ADCK1: variants seen among roughly 807,000 people sequenced by gnomAD.
The protein encoded by ADCK1 is aarF domain containing kinase 1.
A neutral mutation model predicts 52.3 loss-of-function variants in ADCK1; 41 were observed. The observed-to-expected ratio is 0.78, with a 90% CI of 0.61 to 1.02. The LOEUF (loss-of-function observed/expected upper bound fraction) is 1.02. ADCK1 is among the 50% of genes least tolerant of loss of function. The pLI is 0.00. For synonymous variants in ADCK1, 250 were observed against 274.6 expected (o/e 0.91, Z 0.89); for missense variants, 658 against 679.5 (o/e 0.97, Z 0.35).
At chr14:77,931,457 C>A in intron 9 of ADCK1, 61 bp from the exon 10 acceptor site, 1 of 1,537,200 alleles carries the variant, frequency 6.5e-7, no homozygotes, top group Admixed American at 1.7e-5. Flanking sequence ...CAGACCCCTG[C>A]CACCCCTGGC....
intron 1 of ADCK1, among the ~76,000 whole-genome samples, chr14:77,801,584 AGT>A (rs1396312256): frequency 1.3e-5 from 2 of 152,102 alleles, no homozygotes; most frequent in African/African-American, 4.8e-5. Flanking sequence ...GTACTAGAAG[AGT>A]GTGCATATTC....
chr14:77,877,842 G>A (rs1257162502), intron 4 of ADCK1, among the ~76,000 whole-genome samples: 1 of 152,196 alleles, frequency 6.6e-6, no homozygotes, highest in Non-Finnish European at 1.5e-5. Context: ...CTGACCTCAA[G>A]TGATCTTCCT....
intron 1 of ADCK1, among the ~76,000 whole-genome samples, chr14:77,817,567 AG>A (rs1287697927): frequency 6.6e-6 from 1 of 152,194 alleles, no homozygotes; most frequent in African/African-American, 2.4e-5. Flanking sequence ...AGGTACAAGT[AG>A]GGTGGGGAAA....
Position 77,886,957 on chromosome 14 carries a change from A to ACACT in ADCK1, c.424-132_424-129dup, listed in dbSNP as rs2083167279. 6.2e-6 allele frequency: 6 copies of ACACT among 973,020 alleles called. No homozygotes were observed. The East Asian group carries it at 1.7e-4, about 27-fold the overall frequency. 60.3% of individuals were successfully genotyped at this position (973,020 alleles called of 1,614,324 possible). A position where few individuals can be genotyped will look rare whatever the true frequency, so the allele number is the denominator to read the frequency against. ...ACACACACACGCACAACACACACAC[A>ACACT]CACTCTCTCTCTCTTTCTCTCTCAA... On this transcript the variant is annotated intron_variant, in intron 4 of 10. Coordinates refer to ENST00000238561, the MANE Select transcript of ADCK1 (RefSeq NM_020421.4).
intron 1 of ADCK1, among the ~76,000 whole-genome samples, chr14:77,809,242 T>A (rs1227694341): frequency 6.6e-6 from 1 of 152,116 alleles, no homozygotes; most frequent in Non-Finnish European, 1.5e-5. Flanking sequence ...TTAGATGGGA[T>A]GTGGAGAAGT....
At chr14:77,884,541 C>T (rs1391522676) in intron 4 of ADCK1, among the ~76,000 whole-genome samples, 1 of 152,122 alleles carries the variant, frequency 6.6e-6, no homozygotes. Context: ...CATCAGAGCC[C>T]CTTCAGTTGT....
At chr14:77,896,438 C>T (rs1045242477) in intron 5 of ADCK1, among the ~76,000 whole-genome samples, 1 of 152,214 alleles carries the variant, frequency 6.6e-6, no homozygotes, top group African/African-American at 2.4e-5. Flanking sequence ...TTTCCTTGCC[C>T]CTCTCGGGCG....
chr14:77,908,683 G>A (rs776296894), intron 7 of ADCK1, among the ~76,000 whole-genome samples: 1 of 152,160 alleles, frequency 6.6e-6, no homozygotes, highest in Non-Finnish European at 1.5e-5. Context: ...GAGCCACGTG[G>A]CCAGGCTCAA....
At chr14:77,849,053 C>T (rs563855551) in intron 3 of ADCK1, among the ~76,000 whole-genome samples, 7 of 152,236 alleles carry the variant, frequency 4.6e-5, no homozygotes. Context: ...TGGTCTCCAT[C>T]TCCTGACCTC....
At chr14:77,919,873 G>A (rs2084010083) in intron 7 of ADCK1, among the ~76,000 whole-genome samples, 1 of 152,142 alleles carries the variant, frequency 6.6e-6, no homozygotes, top group Admixed American at 6.6e-5. Context: ...TTGGCCATTT[G>A]TATATCTTCT....
At chr14:77,838,754 A>T (rs573262211) in intron 3 of ADCK1, among the ~76,000 whole-genome samples, 38 of 152,276 alleles carry the variant, frequency 2.5e-4, no homozygotes, top group Admixed American at 2.2e-3. Flanking sequence ...CCAACATGTT[A>T]TGGGATGAAG....
chr14:77,853,734 C>A (rs1482191708), intron 3 of ADCK1, among the ~76,000 whole-genome samples: 1 of 152,056 alleles, frequency 6.6e-6, no homozygotes, highest in East Asian at 1.9e-4. Context: ...TGGACTCAGA[C>A]AATTTTTGGA....
At chr14:77,920,713 A>G (rs1174664148) in intron 7 of ADCK1, among the ~76,000 whole-genome samples, 1 of 152,182 alleles carries the variant, frequency 6.6e-6, no homozygotes, top group African/African-American at 2.4e-5. Context: ...CAGTGGTGCC[A>G]TCATAGCTCA....
chr14:77,848,144 G>A (rs865867763), intron 3 of ADCK1, among the ~76,000 whole-genome samples: 13 of 152,280 alleles, frequency 8.5e-5, no homozygotes, highest in Middle Eastern at 3.4e-3. Context: ...GCCTCAAGCA[G>A]TCCTCCTATC....
chr14:77,807,089 G>A (rs1232988712), intron 1 of ADCK1, among the ~76,000 whole-genome samples: 1 of 30,872 alleles, frequency 3.2e-5, no homozygotes, highest in African/African-American at 1.7e-4. Context: ...TTTTTTTTGA[G>A]ACGGAGTCTC....
intron 4 of ADCK1, among the ~76,000 whole-genome samples, chr14:77,859,532 A>G (rs1271225677): frequency 6.6e-6 from 1 of 152,240 alleles, no homozygotes; most frequent in East Asian, 1.9e-4. Flanking sequence ...TATCATTCAT[A>G]TGGTTCAACC....
chr14:77,894,827 A>G (rs2083375569), intron 5 of ADCK1, among the ~76,000 whole-genome samples: 1 of 136,818 alleles, frequency 7.3e-6, no homozygotes, highest in South Asian at 2.3e-4. Flanking sequence ...ACCTAGGCTC[A>G]CTGCAACCTC....
chr14:77,824,290 T>C, intron 3 of ADCK1, among the ~76,000 whole-genome samples: 1 of 152,142 alleles, frequency 6.6e-6, no homozygotes, highest in Admixed American at 6.5e-5. Flanking sequence ...ATACCTGCAA[T>C]AGATAAGGAC....
chr14:77,856,580 T>TG (rs35763049), intron 3 of ADCK1, among the ~76,000 whole-genome samples: 101,012 of 152,016 alleles, frequency 0.66, 34,460 homozygotes, highest in Middle Eastern at 0.83. Flanking sequence ...GCTTTAGATA[T>TG]GGTAAAGGAT....
Sources: allele counts gnomAD v4.1 joint callset (sites outside exome capture counted in the v4.1 genomes callset), GRCh38; gene constraint gnomAD v4.1.1; transcripts MANE v1.5; gene names NCBI Gene and HGNC (gene_info 2026-07-23, HGNC 2026-07-21).